The following SDCCAG8 variants were observed in gnomAD, a reference collection of about 807,000 sequenced individuals.
The protein encoded by SDCCAG8 is serologically defined colon cancer antigen 8.
In SDCCAG8, 74 loss-of-function variants were observed where a neutral mutation model predicts 101.8. The ratio of observed to expected loss-of-function variants is 0.73; its 90% CI spans 0.60 to 0.88. The LOEUF is 0.88. SDCCAG8 is among the 40% of genes least tolerant of loss of function. The pLI, the probability that SDCCAG8 is intolerant of heterozygous loss-of-function variation, is 0.00. For missense variants in SDCCAG8, 787 were observed against 822.6 expected (o/e 0.96, Z 0.53); for synonymous variants, 281 against 292.9 (o/e 0.96, Z 0.41).
chr1:243,426,396 A>G, intron 15 of SDCCAG8, 31 bp from the exon 16 acceptor site: 1 of 1,594,036 alleles, frequency 6.3e-7, no homozygotes, highest in Middle Eastern at 1.7e-4. Flanking sequence ...AGAACTTCTA[A>G]CATCTATTAT....
chr1:243,479,718 A>G (rs925776287), intron 16 of SDCCAG8, among the ~76,000 whole-genome samples: 19 of 152,172 alleles, frequency 1.2e-4, no homozygotes, highest in Non-Finnish European at 2.5e-4. Flanking sequence ...CTCATGACTG[A>G]CGCCAGAGTA....
intron 12 of SDCCAG8, among the ~76,000 whole-genome samples, chr1:243,360,431 C>T (rs753705728): frequency 2.0e-5 from 3 of 151,982 alleles, no homozygotes; most frequent in Admixed American, 6.6e-5. Context: ...GGATTACAGG[C>T]GTGAGCCCCC....
chr1:243,302,803 A>G (rs1020344856), intron 6 of SDCCAG8, among the ~76,000 whole-genome samples: 6 of 152,202 alleles, frequency 3.9e-5, no homozygotes, highest in African/African-American at 1.4e-4. Context: ...GGCTTATTAC[A>G]TATGGGTACT....
chr1:243,335,506 G>A (rs1479647992), intron 10 of SDCCAG8, among the ~76,000 whole-genome samples: 1 of 152,160 alleles, frequency 6.6e-6, no homozygotes, highest in Non-Finnish European at 1.5e-5. Context: ...AAAAACGAAG[G>A]CTGAAGTGTG....
chr1:243,449,733 T>C (rs2148123044), intron 16 of SDCCAG8, among the ~76,000 whole-genome samples: 1 of 152,324 alleles, frequency 6.6e-6, no homozygotes, highest in South Asian at 2.1e-4. Flanking sequence ...CTGTGTTCAC[T>C]AGCAGGGTTA....
intron 13 of SDCCAG8, among the ~76,000 whole-genome samples, chr1:243,396,841 A>G (rs1410475475): frequency 6.6e-6 from 1 of 152,224 alleles, no homozygotes; most frequent in East Asian, 1.9e-4. Flanking sequence ...TAATTTTCAC[A>G]AGTACATTAC....
At chr1:243,283,959 G>C (rs2069332236) in intron 4 of SDCCAG8, among the ~76,000 whole-genome samples, 1 of 152,104 alleles carries the variant, frequency 6.6e-6, no homozygotes, top group African/African-American at 2.4e-5. Context: ...GGTCAGGCTG[G>C]TCTCGAACTC....
chr1:243,384,452 A>C, intron 13 of SDCCAG8, among the ~76,000 whole-genome samples: 1 of 152,156 alleles, frequency 6.6e-6, no homozygotes, highest in Non-Finnish European at 1.5e-5. Flanking sequence ...TGTAATAATC[A>C]CTTTTTTAAA....
Position 243,327,301 on chromosome 1 carries a change from TTTATAATTTTATAGAAATTAAAATTATAA to T in SDCCAG8, c.1069-3178_1069-3150del, listed in dbSNP as rs1558299698. ...AATTTTATAGAAATTAAAATTATAA[TTTATAATTTTATAGAAATTAAAATTATAA>T]TTATAATTTTATAGAAATTAAAATT... On this transcript the variant is annotated intron_variant, in intron 9 of 17. Transcript: ENST00000366541. Among the ~76,000 whole-genome samples, 742 of 132,380 alleles carry T rather than the reference TTTATAATTTTATAGAAATTAAAATTATAA, an allele frequency of 5.6e-3. 1 individual carries two copies. The highest frequency in any genetic ancestry group is 0.02 in the African/African-American group (675 of 33,108). The allele number at this position is 132,380 out of a possible 152,430, so 86.8% of individuals were successfully genotyped here.
At chr1:243,494,714 C>T (rs986332504) in intron 17 of SDCCAG8, among the ~76,000 whole-genome samples, 3 of 152,182 alleles carry the variant, frequency 2.0e-5, no homozygotes, top group Non-Finnish European at 2.9e-5. Context: ...TTTTATATTC[C>T]TTCAGATACA....
chr1:243,431,681 A>G (rs1209175566), intron 16 of SDCCAG8, among the ~76,000 whole-genome samples: 4 of 152,054 alleles, frequency 2.6e-5, no homozygotes, highest in Non-Finnish European at 4.4e-5. Flanking sequence ...ATTTTAAAGT[A>G]AGTATCAATT....
chr1:243,403,307 T>C (rs977353907), intron 13 of SDCCAG8, among the ~76,000 whole-genome samples: 2 of 152,212 alleles, frequency 1.3e-5, no homozygotes, highest in African/African-American at 4.8e-5. Context: ...GTGTAGCTTA[T>C]GTCAGGAAAT....
intron 13 of SDCCAG8, among the ~76,000 whole-genome samples, chr1:243,400,368 T>C (rs1480833514): frequency 6.6e-6 from 1 of 152,222 alleles, no homozygotes; most frequent in East Asian, 1.9e-4. Flanking sequence ...TGCTGAAAAC[T>C]ATCATATGGG....
At chr1:243,407,754 C>T (rs1195706319) in intron 13 of SDCCAG8, among the ~76,000 whole-genome samples, 2 of 152,162 alleles carry the variant, frequency 1.3e-5, no homozygotes, top group Non-Finnish European at 2.9e-5. Flanking sequence ...ATTCTCTGAT[C>T]TGATAACTCA....
At chr1:243,455,183 T>G (rs991345921) in intron 16 of SDCCAG8, among the ~76,000 whole-genome samples, 1 of 152,246 alleles carries the variant, frequency 6.6e-6, no homozygotes, top group Non-Finnish European at 1.5e-5. Context: ...AAAAAATTCC[T>G]AGGGAATTTT....
intron 13 of SDCCAG8, among the ~76,000 whole-genome samples, chr1:243,398,997 C>CT (rs2079198643): frequency 6.6e-6 from 1 of 152,204 alleles, no homozygotes. Context: ...GCCCATGATC[C>CT]TTTTCCACAA....
At chr1:243,482,720 C>T (rs1426404132) in intron 16 of SDCCAG8, among the ~76,000 whole-genome samples, 1 of 152,218 alleles carries the variant, frequency 6.6e-6, no homozygotes, top group East Asian at 1.9e-4. Context: ...GGGAGGAGGA[C>T]TGGCTTCCTG....
chr1:243,440,148 A>G (rs1015768910), intron 16 of SDCCAG8, among the ~76,000 whole-genome samples: 21 of 152,254 alleles, frequency 1.4e-4, no homozygotes, highest in Non-Finnish European at 2.5e-4. Context: ...CAGTGTCTTC[A>G]TTATAGGAGA....
chr1:243,409,960 C>T (rs1004602542), intron 13 of SDCCAG8, among the ~76,000 whole-genome samples: 2 of 152,162 alleles, frequency 1.3e-5, no homozygotes, highest in African/African-American at 4.8e-5. Flanking sequence ...CAAATTACCT[C>T]TTACTTATTA....
Sources: allele counts gnomAD v4.1 joint callset (sites outside exome capture counted in the v4.1 genomes callset), GRCh38; gene constraint gnomAD v4.1.1; transcripts MANE v1.5; gene names NCBI Gene and HGNC (gene_info 2026-07-23, HGNC 2026-07-21).